Variants in PLEKHA7 observed in about 807,000 individuals in gnomAD.
The protein encoded by PLEKHA7 is pleckstrin homology domain containing A7, also known as pleckstrin homology domain-containing family A member 7.
Under a neutral mutation model 170.0 loss-of-function variants are expected in PLEKHA7, and 104 were observed. The observed-to-expected ratio is 0.61, with a 90% CI of 0.52 to 0.72. PLEKHA7 has a LOEUF of 0.72. PLEKHA7 is among the 30% of genes least tolerant of loss of function. The pLI is 0.00. For synonymous variants in PLEKHA7, 648 were observed against 660.8 expected (o/e 0.98, Z 0.30); for missense variants, 1,615 against 1,671.7 (o/e 0.97, Z 0.59).
At chr11:16,796,524 G>C (rs923436155) in intron 17 of PLEKHA7, among the ~76,000 whole-genome samples, 1 of 152,192 alleles carries the variant, frequency 6.6e-6, no homozygotes. Flanking sequence ...GGGGGAATGA[G>C]AGTGACTGTT....
rs10766364 is a variant in PLEKHA7, at chr11:16,979,317, C to A, written c.221+34672G>T. ...TGCTGGGATTACAGGCATGAGCCAC[C>A]GCATCCAGCCTCCCAACCTGATTCT... On this transcript the variant is annotated intron_variant, in intron 3 of 26. Transcript: ENST00000531066. Among the ~76,000 whole-genome samples the A allele has an allele frequency of 3.3e-3, 502 of 152,206 alleles. 4 individuals are homozygous for A. The highest frequency in any genetic ancestry group is 0.012 in the African/African-American group (478 of 41,542).
At chr11:16,954,322 C>T (rs1326634520) in intron 3 of PLEKHA7, among the ~76,000 whole-genome samples, 1 of 151,964 alleles carries the variant, frequency 6.6e-6, no homozygotes, top group Admixed American at 6.6e-5. Flanking sequence ...TCAAGACCAG[C>T]CCTGGCAACA....
intron 3 of PLEKHA7, among the ~76,000 whole-genome samples, chr11:16,893,137 T>G (rs150062222): frequency 3.4e-4 from 52 of 152,366 alleles, no homozygotes; most frequent in African/African-American, 1.3e-3. Flanking sequence ...CTAACGGTTA[T>G]GTCAACACTA....
intron 6 of PLEKHA7, among the ~76,000 whole-genome samples, chr11:16,853,045 G>T (rs952649976): frequency 2.0e-5 from 3 of 152,172 alleles, no homozygotes; most frequent in African/African-American, 7.2e-5. Flanking sequence ...ACCTAGGAAT[G>T]CCCCAGAGCA....
At chr11:16,920,419 A>G (rs1236595353) in intron 3 of PLEKHA7, among the ~76,000 whole-genome samples, 4 of 152,210 alleles carry the variant, frequency 2.6e-5, no homozygotes, top group Non-Finnish European at 5.9e-5. Flanking sequence ...CCCCTGACAA[A>G]AACAAATGTC....
At position 16,907,512 on chromosome 11, in the gene PLEKHA7, C is replaced by T. The variant is rs1444354974; in HGVS notation, c.222-36330G>A. Among the ~76,000 whole-genome samples the T allele has an allele frequency of 3.4e-5, 3 of 89,524 alleles. 1 individual carries two copies. Among genetic ancestry groups the T allele is most frequent in the Non-Finnish European group, 7.1e-5 (3 of 42,340 alleles). The allele number at this position is 89,524 out of a possible 152,430, so 58.7% of individuals were successfully genotyped here. ...CCAGCCGCCCCGTCCGGGAGGGAGG[C>T]GGGGAGGTCAGCCCCCCGCCCAGCC... On this transcript the variant is annotated intron_variant, in intron 3 of 26. Transcript: ENST00000531066.
chr11:16,884,832 C>G (rs1485394861), intron 3 of PLEKHA7, among the ~76,000 whole-genome samples: 1 of 152,128 alleles, frequency 6.6e-6, no homozygotes, highest in African/African-American at 2.4e-5. Flanking sequence ...TCACATCTAA[C>G]ATTTCTAATT....
chr11:16,877,871 T>C (rs1241189082), intron 3 of PLEKHA7, among the ~76,000 whole-genome samples: 1 of 152,194 alleles, frequency 6.6e-6, no homozygotes, highest in Non-Finnish European at 1.5e-5. Context: ...AAAAGGTTGT[T>C]GTGATGATAA....
chr11:16,790,861 T>C lies in PLEKHA7; in HGVS notation c.2989A>G (p.Met997Val), dbSNP rs779418298. Residue 997 changes from methionine (M) to valine (V), a missense_variant, in exon 21 of 27, where the codon ATG (methionine) becomes GTG (valine). Transcript: ENST00000531066. ...EPELATLSGD[M>V]AQPSLGLVGP... ...ACAAGTCCTAGGGAGGGCTGGGCCA[T>C]GTCCCCGCTGAGGGTCGCCAGCTCA... 1 of 1,611,150 alleles carries C rather than the reference T, an allele frequency of 6.2e-7. No homozygotes were observed. The highest frequency in any genetic ancestry group is 1.1e-5 in the South Asian group (1 of 90,546).
chr11:16,899,811 T>C (rs571749708), intron 3 of PLEKHA7, among the ~76,000 whole-genome samples: 1 of 152,374 alleles, frequency 6.6e-6, no homozygotes, highest in South Asian at 2.1e-4. Flanking sequence ...ATAAGTGATT[T>C]GCTGAAAGGC....
chr11:16,908,562 C>T (rs1858025789), intron 3 of PLEKHA7, among the ~76,000 whole-genome samples: 1 of 151,558 alleles, frequency 6.6e-6, no homozygotes, highest in Non-Finnish European at 1.5e-5. Context: ...GTGGCGCAAA[C>T]TCGGCTCACT....
chr11:16,794,136 A>G (rs1242195363), intron 19 of PLEKHA7, among the ~76,000 whole-genome samples: 3 of 151,800 alleles, frequency 2.0e-5, no homozygotes, highest in South Asian at 4.2e-4. Flanking sequence ...CCCCCTGCGG[A>G]TTTGCACAAA....
intron 3 of PLEKHA7, among the ~76,000 whole-genome samples, chr11:16,889,854 A>G (rs1856501621): frequency 6.6e-6 from 1 of 152,212 alleles, no homozygotes; most frequent in Non-Finnish European, 1.5e-5. Flanking sequence ...TATAGTCATC[A>G]GACTATTCAA....
intron 3 of PLEKHA7, among the ~76,000 whole-genome samples, chr11:16,888,440 G>A (rs1161421208): frequency 1.3e-5 from 2 of 152,312 alleles, no homozygotes; most frequent in African/African-American, 4.8e-5. Flanking sequence ...AGGTCGGATT[G>A]TTGCTGTGTC....
chr11:16,833,355 T>G (rs1851265967), intron 9 of PLEKHA7, among the ~76,000 whole-genome samples: 1 of 152,114 alleles, frequency 6.6e-6, no homozygotes, highest in South Asian at 2.1e-4. Context: ...TTGTAGGGAT[T>G]GACAAACCAG....
chr11:16,801,956 G>A lies in PLEKHA7; in HGVS notation c.2158-139C>T. On this transcript the variant is annotated intron_variant, in intron 15 of 26. Transcript: ENST00000531066. ...GCTGAGATGTGGGCCCACAGTCGGG[G>A]CTCTGATGCCAGCTCTGACTCTGTC... 3.9e-6 allele frequency: 4 copies of A among 1,038,030 alleles called. No individual in the cohort carries two copies. In the South Asian group the frequency reaches 6.2e-5, roughly 16 times the overall value. 64.3% of individuals were successfully genotyped at this position (1,038,030 alleles called of 1,614,324 possible).
At chr11:17,009,625 T>TTTTATTTA (rs34851996) in intron 3 of PLEKHA7, among the ~76,000 whole-genome samples, 4,989 of 149,208 alleles carry the variant, frequency 0.033, 91 homozygotes, top group Non-Finnish European at 0.039. Context: ...AAAGTCTTCG[T>TTTTATTTA]TTTATTTATT....
chr11:16,925,960 T>G (rs963699002), intron 3 of PLEKHA7, among the ~76,000 whole-genome samples: 3 of 152,234 alleles, frequency 2.0e-5, no homozygotes, highest in African/African-American at 7.2e-5. Context: ...GCCTCAGAAC[T>G]GCGCTGTTCT....
intron 3 of PLEKHA7, among the ~76,000 whole-genome samples, chr11:16,910,326 C>T (rs982819887): frequency 6.6e-6 from 1 of 152,202 alleles, no homozygotes; most frequent in African/African-American, 2.4e-5. Context: ...GGGTGGCAGG[C>T]AAATTGCAGA....
Sources: allele counts gnomAD v4.1 joint callset (sites outside exome capture counted in the v4.1 genomes callset), GRCh38; gene constraint gnomAD v4.1.1; transcripts MANE v1.5; gene names NCBI Gene and HGNC (gene_info 2026-07-23, HGNC 2026-07-21).